ALS2: variants seen among roughly 807,000 people sequenced by gnomAD.
The protein encoded by ALS2 is alsin.
A neutral mutation model predicts 203.4 loss-of-function variants in ALS2; 117 were observed. The ratio of observed to expected loss-of-function variants is 0.58; its 90% CI spans 0.50 to 0.67. ALS2 has a LOEUF of 0.67. Among genes scored for constraint, ALS2 ranks in the 30% least tolerant of loss-of-function variants. ALS2 has a pLI of 0.00. For missense variants in ALS2, 1,715 were observed against 1,989.4 expected (o/e 0.86, Z 2.62); for synonymous variants, 718 against 725.9 (o/e 0.99, Z 0.17).
chr2:201,748,428 A>G (rs1692813140), intron 8 of ALS2, among the ~76,000 whole-genome samples: 1 of 152,168 alleles, frequency 6.6e-6, no homozygotes, highest in East Asian at 1.9e-4. Context: ...ATGACTTCAA[A>G]AATGTTTTTC....
chr2:201,733,151 A>G (rs1367250200), intron 13 of ALS2, 125 bp downstream of exon 13: 16 of 1,074,282 alleles, frequency 1.5e-5, no homozygotes, highest in Non-Finnish European at 2.2e-5. Context: ...AAGAAAATTA[A>G]ATTTAATTAG....
chr2:201,705,009 G>T, intron 31 of ALS2, 130 bp downstream of exon 31: 4 of 908,026 alleles, frequency 4.4e-6, no homozygotes, highest in Non-Finnish European at 7.0e-6. Context: ...TTTCCAGATT[G>T]AGTTTGACAC....
chr2:201,773,190 G>A (rs1694490192), intron 1 of ALS2, among the ~76,000 whole-genome samples: 1 of 152,110 alleles, frequency 6.6e-6, no homozygotes, highest in Non-Finnish European at 1.5e-5. Context: ...ATTTACATTT[G>A]TTTCAAAAGT....
intron 4 of ALS2, 187 bp downstream of exon 4, chr2:201,760,694 C>A: frequency 7.1e-7 from 1 of 1,412,876 alleles, no homozygotes; most frequent in Non-Finnish European, 9.2e-7. Flanking sequence ...CCAGAACAAA[C>A]ATAAAGAGTG....
chr2:201,773,125 G>A (rs1694486262), intron 1 of ALS2, among the ~76,000 whole-genome samples: 1 of 152,144 alleles, frequency 6.6e-6, no homozygotes, highest in South Asian at 2.1e-4. Flanking sequence ...CTCCCAAAGT[G>A]CTGGGATTAC....
intron 23 of ALS2, chr2:201,720,194 T>G (rs1690677024): frequency 5.2e-6 from 2 of 385,536 alleles, no homozygotes; most frequent in Non-Finnish European, 9.8e-6. Flanking sequence ...CTCTCATAAA[T>G]ATGAATGCAA....
rs1260545782 is a variant in ALS2, at chr2:201,734,943, G to GA, written c.2418-1506dup. ...TTAAAATAAAAAAATATTAAAGGTA[G>GA]AAACAACCTAAGTGTCCATCAGCAG... On this transcript the variant is annotated intron_variant, in intron 12 of 33. Coordinates refer to ENST00000264276, the MANE Select transcript of ALS2 (RefSeq NM_020919.4). Among the ~76,000 whole-genome samples the GA allele has an allele frequency of 2.6e-5, 4 of 152,248 alleles. No individual in the cohort carries two copies. The South Asian group carries it at 8.3e-4, about 32-fold the overall frequency.
At position 201,707,985 on chromosome 2, in the gene ALS2, T is replaced by C. The variant is rs561437381; in HGVS notation, c.4287A>G (p.Leu1429=). ...LKRIFQLVRF[L]FPELPEEGST... is the part of the protein sequence containing the mutation. ...TGCCTTCTTCAGGCAGCTCAGGAAA[T>C]AAGAACCTAAGGAAGAATAAAAAAT... is the stretch of plus-strand genomic sequence containing the variant. The change falls in exon 28 of 34, where the codon TTA becomes TTG. Residue 1429 remains leucine (L), a synonymous_variant. Transcript: ENST00000264276. 2 of 1,611,820 alleles carry C rather than the reference T, an allele frequency of 1.2e-6. No individual in the cohort carries two copies. The highest frequency in any genetic ancestry group is 2.2e-5 in the East Asian group (1 of 44,784).
Position 201,713,397 on chromosome 2 carries a change from C to A in ALS2, c.4004+2275G>T, listed in dbSNP as rs188479912. On this transcript the variant is annotated intron_variant, in intron 25 of 33. Transcript: ENST00000264276. Reference sequence around the variant, plus strand: ...TCAGCCTCCCAAAGTGCTGGGATTACAGGTGCATGCCACCATGCCCAGCCC... The same window carrying A: ...TCAGCCTCCCAAAGTGCTGGGATTAAAGGTGCATGCCACCATGCCCAGCCC... 7.3e-3 allele frequency among the ~76,000 whole-genome samples: 1,117 copies of A among 152,200 alleles called. 24 individuals carry two copies. The highest frequency in any genetic ancestry group is 0.025 in the African/African-American group (1,040 of 41,522).
At chr2:201,756,265 T>C (rs10211216) in intron 5 of ALS2, among the ~76,000 whole-genome samples, 25,546 of 151,350 alleles carry the variant, frequency 0.17, 2,450 homozygotes, top group East Asian at 0.4. Context: ...CTCCTTCAGA[T>C]TTAATAGAGA....
intron 13 of ALS2, among the ~76,000 whole-genome samples, chr2:201,729,879 CAAAAAAAAA>C (rs35065446): frequency 1.3e-5 from 1 of 75,216 alleles, no homozygotes; most frequent in Non-Finnish European, 2.4e-5. Context: ...GACTCCGTCT[CAAAAAAAAA>C]AAAAAAAAAA....
intron 29 of ALS2, among the ~76,000 whole-genome samples, chr2:201,706,557 C>G (rs1574658209): frequency 8.4e-6 from 1 of 118,450 alleles, no homozygotes; most frequent in Non-Finnish European, 1.7e-5. Context: ...ATATATATAA[C>G]TATACATAAT....
chr2:201,715,752 G>T lies in ALS2; in HGVS notation c.3924C>A (p.Gly1308=). The change falls in exon 25 of 34, where the codon GGC becomes GGA. Residue 1308 remains glycine (G), a synonymous_variant. Transcript: ENST00000264276. ...DECWRQLGCE[G]PGQGEVWKAW... ...CTTTCCAAACTTCCCCTTGGCCTGG[G>T]CCCTCACAGCCCAGTTGGCGCCAAC... is the stretch of plus-strand genomic sequence containing the variant. The T allele has an allele frequency of 6.2e-7, 1 of 1,614,180 alleles. No individual in the cohort carries two copies. Among genetic ancestry groups the T allele is most frequent in the South Asian group, 1.1e-5 (1 of 91,082 alleles).
chr2:201,764,370 G>A (rs1309491148), intron 3 of ALS2, among the ~76,000 whole-genome samples: 4 of 152,020 alleles, frequency 2.6e-5, no homozygotes, highest in African/African-American at 7.2e-5. Context: ...AGTGGCTCAC[G>A]CCTGTAATCC....
At chr2:201,715,397 A>G (rs1690308222) in intron 25 of ALS2, among the ~76,000 whole-genome samples, 1 of 152,034 alleles carries the variant, frequency 6.6e-6, no homozygotes. Flanking sequence ...TAAACTCACC[A>G]CTGGTTTTGT....
chr2:201,746,226 T>G (rs1692634707), intron 9 of ALS2, among the ~76,000 whole-genome samples: 1 of 152,246 alleles, frequency 6.6e-6, no homozygotes, highest in South Asian at 2.1e-4. Context: ...TTATAAAGTA[T>G]GTACTATGCT....
At chr2:201,708,411 T>G (rs1182228499) in intron 27 of ALS2, among the ~76,000 whole-genome samples, 1 of 152,196 alleles carries the variant, frequency 6.6e-6, no homozygotes, top group African/African-American at 2.4e-5. Context: ...TATTTTATTT[T>G]TATAGATTCA....
intron 13 of ALS2, among the ~76,000 whole-genome samples, chr2:201,730,797 A>G (rs1038580389): frequency 6.6e-6 from 1 of 152,220 alleles, no homozygotes; most frequent in Non-Finnish European, 1.5e-5. Context: ...GCGAAATTGT[A>G]TTTTAACTGC....
chr2:201,742,882 G>C (rs935026024), intron 10 of ALS2, among the ~76,000 whole-genome samples: 1 of 151,990 alleles, frequency 6.6e-6, no homozygotes, highest in African/African-American at 2.4e-5. Flanking sequence ...GACCAGCCTG[G>C]GAAACATGGC....
Sources: allele counts gnomAD v4.1 joint callset (sites outside exome capture counted in the v4.1 genomes callset), GRCh38; gene constraint gnomAD v4.1.1; transcripts MANE v1.5; gene names NCBI Gene and HGNC (gene_info 2026-07-23, HGNC 2026-07-21).